The following MTUS2 variants were observed in gnomAD, a reference collection of about 807,000 sequenced individuals.
The protein encoded by MTUS2 is microtubule-associated tumor suppressor candidate 2.
Under a neutral mutation model 114.1 loss-of-function variants are expected in MTUS2, and 40 were observed. The ratio of observed to expected loss-of-function variants is 0.35; its 90% CI spans 0.27 to 0.46. The LOEUF is 0.46. Among genes scored for constraint, MTUS2 ranks in the 20% least tolerant of loss-of-function variants. The pLI, the probability that MTUS2 is intolerant of heterozygous loss-of-function variation, is 1.00. For missense variants in MTUS2, 1,679 were observed against 1,705.4 expected (o/e 0.98, Z 0.27); for synonymous variants, 688 against 672.0 (o/e 1.02, Z -0.37).
chr13:29,139,039 C>CT (rs569683749), intron 5 of MTUS2, among the ~76,000 whole-genome samples: 193 of 141,854 alleles, frequency 1.4e-3, no homozygotes, highest in Admixed American at 1.5e-3. Flanking sequence ...TTCCTCCTGT[C>CT]TTTTTTTTTT....
chr13:28,973,749 G>GA (rs1883961284), intron 2 of MTUS2, among the ~76,000 whole-genome samples: 1 of 152,204 alleles, frequency 6.6e-6, no homozygotes, highest in Non-Finnish European at 1.5e-5. Context: ...ATAGTCACAA[G>GA]AAAAATAAAG....
chr13:29,209,259 T>C (rs761451769), intron 5 of MTUS2, among the ~76,000 whole-genome samples: 1 of 152,202 alleles, frequency 6.6e-6, no homozygotes, highest in Admixed American at 6.5e-5. Context: ...TCACTTCTGG[T>C]GTCCATTTGC....
chr13:29,347,577 C>T (rs1174825053), intron 7 of MTUS2, among the ~76,000 whole-genome samples: 4 of 151,904 alleles, frequency 2.6e-5, no homozygotes, highest in African/African-American at 4.8e-5. Flanking sequence ...TGACACGACA[C>T]GTGTGGGGTT....
chr13:28,931,124 T>A (rs7324696), intron 2 of MTUS2, among the ~76,000 whole-genome samples: 4 of 152,222 alleles, frequency 2.6e-5, no homozygotes, highest in Non-Finnish European at 5.9e-5. Flanking sequence ...CTCACGCTCA[T>A]TGGAGCACAC....
At chr13:29,200,716 C>T (rs567214984) in intron 5 of MTUS2, among the ~76,000 whole-genome samples, 1 of 152,046 alleles carries the variant, frequency 6.6e-6, no homozygotes, top group East Asian at 1.9e-4. Flanking sequence ...GACAGGGATT[C>T]TCCATGTTGG....
chr13:29,294,903 T>G (rs1898873756), intron 6 of MTUS2, among the ~76,000 whole-genome samples: 1 of 152,186 alleles, frequency 6.6e-6, no homozygotes, highest in African/African-American at 2.4e-5. Context: ...GTTAGAACAT[T>G]TAAAAGCCCA....
At chr13:29,041,441 G>C (rs371350154) in intron 4 of MTUS2, among the ~76,000 whole-genome samples, 2 of 152,038 alleles carry the variant, frequency 1.3e-5, no homozygotes, top group African/African-American at 4.8e-5. Context: ...TTCTTTTTTG[G>C]TTCTATATGA....
intron 6 of MTUS2, among the ~76,000 whole-genome samples, chr13:29,319,131 G>A (rs1322681439): frequency 1.3e-5 from 2 of 152,182 alleles, no homozygotes; most frequent in Admixed American, 1.3e-4. Flanking sequence ...CATGAGAGAA[G>A]AGCCTGTGCA....
intron 2 of MTUS2, among the ~76,000 whole-genome samples, chr13:28,949,291 A>G (rs1241874868): frequency 6.6e-6 from 1 of 151,044 alleles, no homozygotes; most frequent in African/African-American, 2.5e-5. Flanking sequence ...GTTTACCCTG[A>G]ATGGTAGCCA....
chr13:29,212,842 T>A (rs1895505305), intron 5 of MTUS2, among the ~76,000 whole-genome samples: 1 of 152,158 alleles, frequency 6.6e-6, no homozygotes, highest in Non-Finnish European at 1.5e-5. Flanking sequence ...ACTTTAGGAA[T>A]TTTTATAAGG....
At position 29,438,746 on chromosome 13, in the gene MTUS2, A is replaced by G. The variant is rs138600883; in HGVS notation, c.3118-1237A>G. ...TCTATTGCTGCATTTTCTTAAGGAA[A>G]CTATTAGCTAATAATTTTTGACTCC... On this transcript the variant is annotated intron_variant, in intron 8 of 15. Coordinates refer to ENST00000612955, the MANE Select transcript of MTUS2 (RefSeq NM_001033602.4). Among the ~76,000 whole-genome samples the G allele has an allele frequency of 1.4e-4, 21 of 152,270 alleles. No individual in the cohort carries two copies. In the East Asian group the frequency reaches 4.1e-3, roughly 29 times the overall value.
intron 4 of MTUS2, among the ~76,000 whole-genome samples, chr13:29,063,685 TG>T (rs1888525682): frequency 6.6e-6 from 1 of 152,210 alleles, no homozygotes; most frequent in African/African-American, 2.4e-5. Context: ...CAGGTAAACT[TG>T]ATTGGAACAA....
In MTUS2 at chr13:29,092,457, CCT is replaced by C. The variant is rs145692136; in HGVS notation, c.2447-8311_2447-8310del. The stretch of plus-strand genomic sequence containing the variant: ...TTGGGTAGGGACCACCCTCGCATCC[CCT>C]CTCTGCTGAGAGCTATTCTTTCACT... On this transcript the variant is annotated intron_variant, in intron 4 of 15. Transcript: ENST00000612955. Among the ~76,000 whole-genome samples the C allele has an allele frequency of 5.7e-4, 87 of 152,326 alleles. 2 individuals carry two copies. The East Asian group carries it at 0.014, about 24-fold the overall frequency.
chr13:29,017,496 C>T (rs1886116066), intron 2 of MTUS2, among the ~76,000 whole-genome samples: 1 of 152,182 alleles, frequency 6.6e-6, no homozygotes, highest in Admixed American at 6.6e-5. Flanking sequence ...AAACCCATGC[C>T]TCCTTTTAAT....
In MTUS2 at chr13:29,118,880, G is replaced by T. The variant is rs114595990; in HGVS notation, c.2644+17910G>T. On this transcript the variant is annotated intron_variant, in intron 5 of 15. Coordinates refer to ENST00000612955, the MANE Select transcript of MTUS2 (RefSeq NM_001033602.4). ...CTCCCTGGGAAGTGAGGGAGTGGAC[G>T]GTGAGTCCTGAGATGCCTTCATGGA... is the stretch of plus-strand genomic sequence containing the variant. Among the ~76,000 whole-genome samples, 553 of 152,248 alleles carry T rather than the reference G, an allele frequency of 3.6e-3. 6 individuals carry two copies. Among genetic ancestry groups the T allele is most frequent in the African/African-American group, 0.013 (532 of 41,546 alleles).
rs181622922 is a variant in MTUS2 at position 29,411,105 on chromosome 13, A to C, written c.3118-28878A>C. Among the ~76,000 whole-genome samples, 147 of 152,284 alleles carry C rather than the reference A, an allele frequency of 9.7e-4. 2 individuals carry two copies. The stretch of plus-strand genomic sequence containing the variant: ...CATTGGCCTCCCAAAGTGCTGGCTC[A>C]TGCTCACAGGCTTGAGCCACTGTGC... On this transcript the variant is annotated intron_variant, in intron 8 of 15. Coordinates refer to ENST00000612955, the MANE Select transcript of MTUS2 (RefSeq NM_001033602.4).
chr13:29,267,760 G>A (rs1192542896), intron 5 of MTUS2, among the ~76,000 whole-genome samples: 1 of 152,018 alleles, frequency 6.6e-6, no homozygotes, highest in Non-Finnish European at 1.5e-5. Flanking sequence ...AGAAAAGAAA[G>A]TCTGTGGACC....
At chr13:28,924,601 G>A (rs1450840404) in intron 2 of MTUS2, among the ~76,000 whole-genome samples, 1 of 152,196 alleles carries the variant, frequency 6.6e-6, no homozygotes, top group Non-Finnish European at 1.5e-5. Flanking sequence ...GGGAGCTGCT[G>A]CTGCCCCTCT....
Position 29,296,964 on chromosome 13 carries a change from G to A in MTUS2, c.2806+15099G>A, listed in dbSNP as rs79326863. On this transcript the variant is annotated intron_variant, in intron 6 of 15. Transcript: ENST00000612955. Reference sequence around the variant, plus strand: ...TTTTTAGTTTTACATAATTCTATTTGTATATTTTTGCTTTTGTTGCCTGTG... The same window carrying A: ...TTTTTAGTTTTACATAATTCTATTTATATATTTTTGCTTTTGTTGCCTGTG... Among the ~76,000 whole-genome samples the A allele has an allele frequency of 9.4e-3, 1,429 of 152,078 alleles. 14 individuals carry two copies. The highest frequency in any genetic ancestry group is 0.027 in the Middle Eastern group (8 of 294).
Sources: gnomAD v4.1 joint callset for allele counts (sites outside exome capture counted in the v4.1 genomes callset) on GRCh38, gnomAD v4.1.1 for gene constraint, MANE v1.5 for transcripts, NCBI Gene and HGNC (gene_info 2026-07-23, HGNC 2026-07-21) for gene names.